SMAD3: variants seen among roughly 807,000 people sequenced by gnomAD.
SMAD3 encodes MAD homolog 3.
A neutral mutation model predicts 51.8 loss-of-function variants in SMAD3; 12 were observed. That is an observed-to-expected ratio of 0.23 (90% confidence interval 0.15 to 0.38). The LOEUF is 0.38. Ranked by LOEUF, SMAD3 falls within the 10% of genes least tolerant of loss-of-function variation. The pLI, the probability that SMAD3 is intolerant of heterozygous loss-of-function variation, is 1.00. For synonymous variants in SMAD3, 238 were observed against 227.7 expected (o/e 1.05, Z -0.41); for missense variants, 294 against 565.6 (o/e 0.52, Z 4.87).
chr15:67,073,833 C>A (rs1031287516), intron 1 of SMAD3, among the ~76,000 whole-genome samples: 1 of 152,206 alleles, frequency 6.6e-6, no homozygotes, highest in African/African-American at 2.4e-5. Flanking sequence ...TGCCACCACA[C>A]CCGGCTAATT....
intron 1 of SMAD3, among the ~76,000 whole-genome samples, chr15:67,085,885 CACACACACACACACAT>C (rs750201088): frequency 0.042 from 5,101 of 120,904 alleles, 119 homozygotes; most frequent in Non-Finnish European, 0.061. Flanking sequence ...CACACACACA[CACACACACACACACAT>C]ACACAGAGAA....
At position 67,093,397 on chromosome 15, in the gene SMAD3, C is replaced by T. The variant is rs987498780; in HGVS notation, c.206+27037C>T. 5.9e-5 allele frequency among the ~76,000 whole-genome samples: 9 copies of T among 152,346 alleles called. No individual in the cohort carries two copies. The South Asian group carries it at 1.9e-3, about 32-fold the overall frequency. ...CCACCTCGGTGAGCCTCTCATTCCACTGCCAGTGCAGGGGTGCATAATCAG... is the reference window on the plus strand; with the variant it reads ...CCACCTCGGTGAGCCTCTCATTCCATTGCCAGTGCAGGGGTGCATAATCAG... On this transcript the variant is annotated intron_variant, in intron 1 of 8. Coordinates refer to ENST00000327367, the MANE Select transcript of SMAD3 (RefSeq NM_005902.4).
chr15:67,073,232 G>C (rs1365064158), intron 1 of SMAD3, among the ~76,000 whole-genome samples: 1 of 152,172 alleles, frequency 6.6e-6, no homozygotes, highest in African/African-American at 2.4e-5. Flanking sequence ...CGACTTAACA[G>C]TTTGAGAAAT....
rs1038763518 is a variant in SMAD3 at position 67,098,761 on chromosome 15, C to T, written c.206+32401C>T. On this transcript the variant is annotated intron_variant, in intron 1 of 8. Coordinates refer to ENST00000327367, the MANE Select transcript of SMAD3 (RefSeq NM_005902.4). ...TTTGGTTGTGGAGGCCTCCACAGCCCCCGGAAGGCAGGTGGAAGTGGGCAT... is the reference window on the plus strand; with the variant it reads ...TTTGGTTGTGGAGGCCTCCACAGCCTCCGGAAGGCAGGTGGAAGTGGGCAT... 1.6e-5 allele frequency: 10 copies of T among 642,028 alleles called. No homozygotes were observed. The Admixed American group carries it at 1.6e-4, about 10-fold the overall frequency. 39.8% of individuals were successfully genotyped at this position (642,028 alleles called of 1,614,324 possible).
intron 1 of SMAD3, among the ~76,000 whole-genome samples, chr15:67,104,246 A>G (rs1960827482): frequency 2.0e-5 from 3 of 152,156 alleles, no homozygotes; most frequent in Admixed American, 2.0e-4. Flanking sequence ...TTGGTATTAC[A>G]AGGTGCTCAC....
intron 1 of SMAD3, among the ~76,000 whole-genome samples, chr15:67,110,595 T>C (rs1960990942): frequency 6.6e-6 from 1 of 152,194 alleles, no homozygotes; most frequent in South Asian, 2.1e-4. Context: ...ATGCAAATGC[T>C]CATTGTTACT....
At chr15:67,082,530 T>C (rs1365341546) in intron 1 of SMAD3, among the ~76,000 whole-genome samples, 1 of 152,270 alleles carries the variant, frequency 6.6e-6, no homozygotes, top group Non-Finnish European at 1.5e-5. Context: ...GTTTAGTATC[T>C]TTGTGCATCT....
intron 1 of SMAD3, among the ~76,000 whole-genome samples, chr15:67,119,343 A>G (rs535073925): frequency 1.3e-5 from 2 of 151,698 alleles, no homozygotes; most frequent in African/African-American, 4.9e-5. Context: ...GTCATGATGG[A>G]GTGTTGGGGC....
intron 1 of SMAD3, among the ~76,000 whole-genome samples, chr15:67,135,159 T>C (rs929131084): frequency 3.9e-5 from 6 of 152,148 alleles, no homozygotes; most frequent in Non-Finnish European, 7.4e-5. Flanking sequence ...TTCCTTTCTG[T>C]GCCAGGGGTC....
intron 4 of SMAD3, 79 bp downstream of exon 4, chr15:67,166,932 G>A (rs988682892): frequency 2.0e-5 from 22 of 1,101,240 alleles, no homozygotes; most frequent in South Asian, 4.0e-5. Context: ...CTTCCTCTTC[G>A]CCCTCTCCCT....
chr15:67,182,996 AAAAAATATATATATATATATATAT>A (rs1963108437), intron 6 of SMAD3, among the ~76,000 whole-genome samples: 1 of 55,398 alleles, frequency 1.8e-5, no homozygotes, highest in Non-Finnish European at 3.2e-5. Context: ...TAAAAAAAAA[AAAAAATATATATATATATATATAT>A]ATATATATAT....
intron 1 of SMAD3, among the ~76,000 whole-genome samples, chr15:67,145,833 C>T (rs775241386): frequency 3.3e-5 from 5 of 152,148 alleles, no homozygotes; most frequent in African/African-American, 4.8e-5. Flanking sequence ...TTGTTTCCAC[C>T]GTGTCTCCCT....
At chr15:67,112,488 A>G (rs1457510840) in intron 1 of SMAD3, among the ~76,000 whole-genome samples, 2 of 132,730 alleles carry the variant, frequency 1.5e-5, no homozygotes, top group Non-Finnish European at 1.6e-5. Flanking sequence ...TTGTCTTTCT[A>G]CTGTTGAATT....
At chr15:67,082,938 G>T (rs1469913432) in intron 1 of SMAD3, among the ~76,000 whole-genome samples, 1 of 152,194 alleles carries the variant, frequency 6.6e-6, no homozygotes, top group Non-Finnish European at 1.5e-5. Context: ...TTTAAAAAAA[G>T]AATCTATCAC....
intron 5 of SMAD3, among the ~76,000 whole-genome samples, chr15:67,176,722 C>T (rs192046070): frequency 1.1e-4 from 16 of 152,344 alleles, no homozygotes; most frequent in African/African-American, 3.8e-4. Context: ...TGGCAGGGGG[C>T]CAGCCATGGA....
chr15:67,147,076 T>A (rs1961996510), intron 1 of SMAD3: 1 of 152,302 alleles, frequency 6.6e-6, no homozygotes, highest in African/African-American at 2.4e-5. Context: ...TCACTTCCCG[T>A]CGTCAACTCT....
In SMAD3 at chr15:67,194,205, G is replaced by A. The variant is rs529661153; in HGVS notation, c.*3669G>A. ...AACCTCAACACAGCGAAGCTGTACTGTCTTTGTGTGGCAAAGATGTTCCCT... is the reference window on the plus strand; with the variant it reads ...AACCTCAACACAGCGAAGCTGTACTATCTTTGTGTGGCAAAGATGTTCCCT... On this transcript the variant is annotated 3_prime_UTR_variant, in exon 9 of 9. Coordinates refer to ENST00000327367, the MANE Select transcript of SMAD3 (RefSeq NM_005902.4). 1 of 233,470 alleles carries A rather than the reference G, an allele frequency of 4.3e-6. No homozygotes were observed. Among genetic ancestry groups the A allele is most frequent in the South Asian group, 1.8e-4 (1 of 5,532 alleles). The allele number at this position is 233,470 out of a possible 1,614,324, so 14.5% of individuals were successfully genotyped here.
intron 7 of SMAD3, chr15:67,186,733 C>G: frequency 4.5e-6 from 1 of 220,654 alleles, no homozygotes; most frequent in Non-Finnish European, 9.2e-6. Context: ...CTCCACCCAG[C>G]CCAGTGCCCA....
At chr15:67,170,835 TG>T (rs1032121593) in intron 5 of SMAD3, among the ~76,000 whole-genome samples, 1 of 152,156 alleles carries the variant, frequency 6.6e-6, no homozygotes, top group Non-Finnish European at 1.5e-5. Context: ...GTATTTCCCC[TG>T]GGGGGCGGGT....
Sources: allele counts gnomAD v4.1 joint callset (sites outside exome capture counted in the v4.1 genomes callset), GRCh38; gene constraint gnomAD v4.1.1; transcripts MANE v1.5; gene names NCBI Gene and HGNC (gene_info 2026-07-23, HGNC 2026-07-21).